Variants in TSPAN9 observed in about 807,000 individuals in gnomAD.
TSPAN9 encodes the protein tetraspanin-9.
A neutral mutation model predicts 31.0 loss-of-function variants in TSPAN9; 16 were observed. The ratio of observed to expected loss-of-function variants is 0.52; its 90% CI spans 0.35 to 0.78. TSPAN9 has a LOEUF of 0.78. TSPAN9 is among the 30% of genes least tolerant of loss of function. The probability of loss-of-function intolerance (pLI) is 0.01; values close to 1 mark genes in which losing one functional copy is unlikely to be tolerated. For missense variants in TSPAN9, 272 were observed against 312.5 expected, an observed-to-expected ratio of 0.87 and a Z score of 0.98; for synonymous variants, 145 against 121.6, an observed-to-expected ratio of 1.19 and a Z score of -1.27.
intron 3 of TSPAN9, among the ~76,000 whole-genome samples, chr12:3,274,053 G>A (rs1862736228): frequency 6.6e-6 from 1 of 152,190 alleles, no homozygotes; most frequent in Non-Finnish European, 1.5e-5. Context: ...AGGGGGCGGG[G>A]TTTCTCAAAC....
chr12:3,220,946 TC>T (rs2098384183), intron 3 of TSPAN9, among the ~76,000 whole-genome samples: 1 of 152,176 alleles, frequency 6.6e-6, no homozygotes, highest in Non-Finnish European at 1.5e-5. Flanking sequence ...GTTGCTCTTT[TC>T]CAAAGATGCA....
intron 2 of TSPAN9, among the ~76,000 whole-genome samples, chr12:3,188,486 G>A (rs2098362682): frequency 6.6e-6 from 1 of 152,114 alleles, no homozygotes; most frequent in Admixed American, 6.5e-5. Context: ...GGAAGGGAGG[G>A]GGCAGCATCA....
At chr12:3,163,429 A>AG (rs1183202699) in intron 2 of TSPAN9, among the ~76,000 whole-genome samples, 1 of 152,204 alleles carries the variant, frequency 6.6e-6, no homozygotes, top group African/African-American at 2.4e-5. Context: ...CACCCTGTAT[A>AG]GGGCAGGGAC....
At chr12:3,158,721 C>CAAAAAAAA (rs765787475) in intron 2 of TSPAN9, among the ~76,000 whole-genome samples, 4 of 57,888 alleles carry the variant, frequency 6.9e-5, no homozygotes, top group Non-Finnish European at 1.2e-4. Context: ...GACTCTGTCT[C>CAAAAAAAA]AAAAAAAAAA....
At chr12:3,203,386 G>A (rs2098373125) in intron 3 of TSPAN9, among the ~76,000 whole-genome samples, 1 of 152,224 alleles carries the variant, frequency 6.6e-6, no homozygotes, top group Non-Finnish European at 1.5e-5. Flanking sequence ...ATGGGGAAGA[G>A]AAGTTAGATC....
At chr12:3,197,102 G>T (rs1591671038) in intron 2 of TSPAN9, among the ~76,000 whole-genome samples, 1 of 152,256 alleles carries the variant, frequency 6.6e-6, no homozygotes, top group East Asian at 1.9e-4. Context: ...ACCTCTAGGG[G>T]GTAGGCTCTT....
At chr12:3,203,522 C>T (rs1274407474) in intron 3 of TSPAN9, among the ~76,000 whole-genome samples, 4 of 152,176 alleles carry the variant, frequency 2.6e-5, no homozygotes, top group Admixed American at 6.5e-5. Flanking sequence ...ATTTTCGTTA[C>T]GGTTGATAGC....
At chr12:3,186,880 T>C (rs2098361718) in intron 2 of TSPAN9, among the ~76,000 whole-genome samples, 1 of 152,130 alleles carries the variant, frequency 6.6e-6, no homozygotes, top group African/African-American at 2.4e-5. Flanking sequence ...GCCTGGAGTT[T>C]CTTTTGGAGG....
At chr12:3,132,893 C>T (rs11062522) in intron 2 of TSPAN9, among the ~76,000 whole-genome samples, 90,188 of 151,778 alleles carry the variant, frequency 0.59, 27,039 homozygotes, top group Admixed American at 0.65. Context: ...ACCCTGAGGC[C>T]GCCACAGAGC....
rs1006833562 is a variant in TSPAN9, at chr12:3,168,878, G to C, written c.-17-32299G>C. ...CCCTCCCGGCCAGTGTGGGCGTGCA[G>C]ATGGATGAGCTCAGGTTTGGACGTG... On this transcript the variant is annotated intron_variant, in intron 2 of 8. Coordinates refer to ENST00000011898, the MANE Select transcript of TSPAN9 (RefSeq NM_006675.5). The surrounding 1 kb of genome is among the most constrained non-coding windows in gnomAD (Gnocchi z 4.0). 6.6e-6 allele frequency among the ~76,000 whole-genome samples: 1 copy of C among 152,228 alleles called. No homozygotes were observed. The highest frequency in any genetic ancestry group is 2.4e-5 in the African/African-American group (1 of 41,450).
Position 3,147,615 on chromosome 12 carries a change from A to C in TSPAN9, c.-17-53562A>C, listed in dbSNP as rs1376465165. Among the ~76,000 whole-genome samples the C allele has an allele frequency of 6.6e-6, 1 of 152,224 alleles. No individual in the cohort carries two copies. Among genetic ancestry groups the C allele is most frequent in the African/African-American group, 2.4e-5 (1 of 41,454 alleles). On this transcript the variant is annotated intron_variant, in intron 2 of 8. Transcript: ENST00000011898. The surrounding 1 kb of genome is among the most constrained non-coding windows in gnomAD (Gnocchi z 4.3). ...GGAAGTGTTCTGTTCTGTACCGCCC[A>C]GTACAGTAGCCACCGGCTACATGTG...
intron 2 of TSPAN9, among the ~76,000 whole-genome samples, chr12:3,157,751 A>G (rs1264471770): frequency 6.6e-5 from 10 of 152,096 alleles, no homozygotes; most frequent in African/African-American, 2.4e-4. Context: ...CATTCCCGGG[A>G]CACTTCTTTC....
Position 3,187,602 on chromosome 12 carries a change from A to G in TSPAN9, c.-17-13575A>G, listed in dbSNP as rs111860325. Among the ~76,000 whole-genome samples, 231 of 152,104 alleles carry G rather than the reference A, an allele frequency of 1.5e-3. No individual in the cohort carries two copies. The highest frequency in any genetic ancestry group is 5.2e-3 in the African/African-American group (216 of 41,482). On this transcript the variant is annotated intron_variant, in intron 2 of 8. Coordinates refer to ENST00000011898, the MANE Select transcript of TSPAN9 (RefSeq NM_006675.5). This position sits in a 1 kb window ranked among gnomAD's most constrained non-coding sequence, Gnocchi z 5.2. ...TGGCCCTTTGTTCCCTCTTTTACAA[A>G]CGGAGACAACTTCCCTGCTTATCTT...
chr12:3,199,790 T>C (rs928349698), intron 2 of TSPAN9, among the ~76,000 whole-genome samples: 1 of 152,080 alleles, frequency 6.6e-6, no homozygotes. Flanking sequence ...CCCGGCGCTT[T>C]CCGATACCTC....
Position 3,101,990 on chromosome 12 carries a change from G to A in TSPAN9, c.-18+18271G>A, listed in dbSNP as rs2098312046. 2.0e-5 allele frequency among the ~76,000 whole-genome samples: 3 copies of A among 152,182 alleles called. No homozygotes were observed. The South Asian group carries it at 6.2e-4, about 31-fold the overall frequency. On this transcript the variant is annotated intron_variant, in intron 2 of 8. Transcript: ENST00000011898. ...TAGGGTCTTTCTTTTCCTCGGACTG[G>A]AAGCTCCTGAGGAGGTGTCACCCCA... is the stretch of plus-strand genomic sequence containing the variant.
intron 3 of TSPAN9, among the ~76,000 whole-genome samples, chr12:3,219,326 A>G (rs1350499356): frequency 6.6e-6 from 1 of 152,186 alleles, no homozygotes; most frequent in East Asian, 1.9e-4. Context: ...TCCTAGCACA[A>G]CACTCAAGGA....
At chr12:3,174,783 C>CGT (rs2098354245) in intron 2 of TSPAN9, among the ~76,000 whole-genome samples, 1 of 148,760 alleles carries the variant, frequency 6.7e-6, no homozygotes, top group Non-Finnish European at 1.5e-5. Flanking sequence ...GGGGTTTCAC[C>CGT]GTGTTAGCCA....
intron 2 of TSPAN9, among the ~76,000 whole-genome samples, chr12:3,126,288 G>T (rs1396236808): frequency 6.6e-6 from 1 of 152,204 alleles, no homozygotes; most frequent in Non-Finnish European, 1.5e-5. Flanking sequence ...AGGTGATTTT[G>T]TTGTTGCGTG....
chr12:3,256,460 G>T (rs966343641), intron 3 of TSPAN9, among the ~76,000 whole-genome samples: 1 of 152,220 alleles, frequency 6.6e-6, no homozygotes, highest in African/African-American at 2.4e-5. Context: ...GGGGTGGGAG[G>T]TGTCTGGTTC....
Sources: gnomAD v4.1 joint callset for allele counts (sites outside exome capture counted in the v4.1 genomes callset) on GRCh38, gnomAD v4.1.1 for gene constraint, Gnocchi (gnomAD v3.1) non-coding constraint, MANE v1.5 for transcripts, NCBI Gene and HGNC (gene_info 2026-07-23, HGNC 2026-07-21) for gene names.